The following PLPPR5 variants were observed in gnomAD, a reference collection of about 807,000 sequenced individuals.
PLPPR5 encodes phospholipid phosphatase-related protein type 5.
In PLPPR5, 16 loss-of-function variants were observed where a neutral mutation model predicts 33.9. The ratio of observed to expected loss-of-function variants is 0.47; its 90% CI spans 0.32 to 0.72. PLPPR5 has a LOEUF of 0.72. PLPPR5 is among the 30% of genes least tolerant of loss of function. The pLI is 0.03. For synonymous variants in PLPPR5, 163 were observed against 150.3 expected, an observed-to-expected ratio of 1.08 and a Z score of -0.62; for missense variants, 301 against 406.7, an observed-to-expected ratio of 0.74 and a Z score of 2.23.
chr1:99,001,681 T>G (rs1230140626), intron 1 of PLPPR5, among the ~76,000 whole-genome samples: 3 of 142,322 alleles, frequency 2.1e-5, no homozygotes, highest in Admixed American at 2.1e-4. Flanking sequence ...GATATATATA[T>G]ATATATATAT....
chr1:98,923,023 A>G (rs904231049), intron 3 of PLPPR5, among the ~76,000 whole-genome samples: 1 of 152,000 alleles, frequency 6.6e-6, no homozygotes, highest in African/African-American at 2.4e-5. Context: ...CATAAGTACG[A>G]TAAGGGAAAT....
At chr1:98,961,777 C>T (rs1651259524) in intron 1 of PLPPR5, among the ~76,000 whole-genome samples, 1 of 152,130 alleles carries the variant, frequency 6.6e-6, no homozygotes, top group African/African-American at 2.4e-5. Flanking sequence ...GAATCAGAGG[C>T]TCTCGTCAGT....
intron 3 of PLPPR5, among the ~76,000 whole-genome samples, chr1:98,932,739 A>AT: frequency 6.6e-6 from 1 of 152,334 alleles, no homozygotes; most frequent in Non-Finnish European, 1.5e-5. Context: ...AAGCATGCAC[A>AT]TTAGTTGGTT....
intron 4 of PLPPR5, among the ~76,000 whole-genome samples, chr1:98,919,772 T>C (rs1367274423): frequency 6.6e-6 from 1 of 152,162 alleles, no homozygotes; most frequent in East Asian, 1.9e-4. Context: ...AAAACACAAA[T>C]CTTACGTAGG....
intron 3 of PLPPR5, among the ~76,000 whole-genome samples, chr1:98,941,128 A>G (rs1650352514): frequency 6.6e-6 from 1 of 151,906 alleles, no homozygotes; most frequent in East Asian, 1.9e-4. Flanking sequence ...CACTGTTGGA[A>G]GGGATAACAG....
chr1:98,921,823 CATG>C, intron 4 of PLPPR5, 56 bp downstream of exon 4: 1 of 1,377,386 alleles, frequency 7.3e-7, no homozygotes, highest in Non-Finnish European at 1.0e-6. Flanking sequence ...TGTATTTTCT[CATG>C]GTGATTATGC....
intron 1 of PLPPR5, among the ~76,000 whole-genome samples, chr1:98,962,218 T>C (rs1424690502): frequency 6.6e-6 from 1 of 152,200 alleles, no homozygotes; most frequent in Non-Finnish European, 1.5e-5. Flanking sequence ...AAATTATATA[T>C]ATTTATGGTG....
chr1:98,953,500 T>G (rs1487619758), intron 2 of PLPPR5, among the ~76,000 whole-genome samples, 180 bp from the exon 3 acceptor site: 1 of 152,092 alleles, frequency 6.6e-6, no homozygotes, highest in African/African-American at 2.4e-5. Context: ...GTTCTTTCCT[T>G]GGCTTTCTGG....
chr1:98,989,436 C>T (rs72732420), intron 1 of PLPPR5, among the ~76,000 whole-genome samples: 10,639 of 152,138 alleles, frequency 0.07, 508 homozygotes, highest in Non-Finnish European at 0.096. Context: ...ATCATGAGGA[C>T]ACTGTAACCC....
intron 5 of PLPPR5, among the ~76,000 whole-genome samples, chr1:98,902,690 G>A (rs1570681892): frequency 6.6e-6 from 1 of 152,134 alleles, no homozygotes; most frequent in East Asian, 1.9e-4. Context: ...AAAAGAGGGA[G>A]ATGAACGGCT....
Position 99,004,819 on chromosome 1 carries a change from G to A in PLPPR5, c.-148C>T, listed in dbSNP as rs948648960. 1 of 357,300 alleles carries A rather than the reference G, an allele frequency of 2.8e-6. No homozygotes were observed. The allele number at this position is 357,300 out of a possible 1,614,324, so 22.1% of individuals were successfully genotyped here. A position where few individuals can be genotyped will look rare whatever the true frequency, so the allele number is the denominator to read the frequency against. ...GGGAGGCGGGATGGAGCCGCTGGAG[G>A]AAGAGGCGGAGGCAGGTCCGGGCTT... On this transcript the variant is annotated 5_prime_UTR_variant, in exon 1 of 6. Transcript: ENST00000263177.
At chr1:98,937,375 T>G (rs1182639966) in intron 3 of PLPPR5, among the ~76,000 whole-genome samples, 1 of 152,146 alleles carries the variant, frequency 6.6e-6, no homozygotes, top group Admixed American at 6.6e-5. Flanking sequence ...CCAATTCCCC[T>G]CCCTCTGAAT....
intron 5 of PLPPR5, among the ~76,000 whole-genome samples, chr1:98,897,620 G>A (rs370966980): frequency 2.0e-5 from 3 of 152,194 alleles, no homozygotes; most frequent in South Asian, 4.1e-4. Flanking sequence ...AACATAAAAT[G>A]GGATCTGTGC....
intron 5 of PLPPR5, among the ~76,000 whole-genome samples, chr1:98,904,823 G>A (rs1648837199): frequency 6.6e-6 from 1 of 152,160 alleles, no homozygotes; most frequent in Non-Finnish European, 1.5e-5. Flanking sequence ...ACAGGGAAAG[G>A]CCATAGATGA....
intron 5 of PLPPR5, among the ~76,000 whole-genome samples, chr1:98,904,763 A>G (rs904187169): frequency 3.3e-5 from 5 of 152,132 alleles, no homozygotes; most frequent in Non-Finnish European, 7.3e-5. Flanking sequence ...AGGACTGCCA[A>G]TGCACACCTT....
At chr1:98,916,412 A>ATAAC (rs1649353318) in intron 4 of PLPPR5, among the ~76,000 whole-genome samples, 1 of 152,208 alleles carries the variant, frequency 6.6e-6, no homozygotes, top group African/African-American at 2.4e-5. Context: ...TCATGATGTT[A>ATAAC]CCAGCTTCAT....
chr1:99,000,417 C>G (rs144291572), intron 1 of PLPPR5, among the ~76,000 whole-genome samples: 1 of 152,290 alleles, frequency 6.6e-6, no homozygotes, highest in East Asian at 1.9e-4. Context: ...CTGAGAAAAT[C>G]TCTCAGCCTG....
At chr1:98,937,670 C>T (rs1339401491) in intron 3 of PLPPR5, among the ~76,000 whole-genome samples, 1 of 152,138 alleles carries the variant, frequency 6.6e-6, no homozygotes, top group African/African-American at 2.4e-5. Context: ...GCTATCAAGT[C>T]ACCTTTGAAG....
In PLPPR5 at chr1:98,892,657, C is replaced by G. The variant is rs1291437612; in HGVS notation, c.*415G>C. On this transcript the variant is annotated 3_prime_UTR_variant, in exon 6 of 6. Transcript: ENST00000263177. ...ACTTCAAATTAAATATGGCATACTGCTGAATAGATATATGAAGATTAAAAA... is the reference window on the plus strand; with the variant it reads ...ACTTCAAATTAAATATGGCATACTGGTGAATAGATATATGAAGATTAAAAA... The G allele has an allele frequency of 6.3e-6, 1 of 159,512 alleles. No homozygotes were observed. The highest frequency in any genetic ancestry group is 1.4e-5 in the Non-Finnish European group (1 of 73,220). The allele number at this position is 159,512 out of a possible 1,614,324, so 9.9% of individuals were successfully genotyped here.
Sources: allele counts gnomAD v4.1 joint callset (sites outside exome capture counted in the v4.1 genomes callset), GRCh38; gene constraint gnomAD v4.1.1; transcripts MANE v1.5; gene names NCBI Gene and HGNC (gene_info 2026-07-23, HGNC 2026-07-21).